Variants in LUC7L3 observed in about 807,000 individuals in gnomAD.
LUC7L3 encodes luc7-like protein 3.
Under a neutral mutation model 66.8 loss-of-function variants are expected in LUC7L3, and 6 were observed. That is an observed-to-expected ratio of 0.09 (90% CI 0.05 to 0.18). LUC7L3 has a LOEUF of 0.18. Among genes scored for constraint, LUC7L3 ranks in the 10% least tolerant of loss-of-function variants. The pLI is 1.00. For missense variants in LUC7L3, 341 were observed against 531.1 expected, an observed-to-expected ratio of 0.64 and a Z score of 3.52; for synonymous variants, 160 against 174.7, an observed-to-expected ratio of 0.92 and a Z score of 0.66.
chr17:50,749,421 A>G, intron 9 of LUC7L3: 3 of 1,164,276 alleles, frequency 2.6e-6, no homozygotes, highest in Non-Finnish European at 3.3e-6. Context: ...GCGCTTAACT[A>G]CTTGGACATT....
Position 50,740,302 on chromosome 17 carries a change from C to G in LUC7L3, c.167-4C>G, listed in dbSNP as rs777300198. On this transcript the variant is annotated splice_polypyrimidine_tract_variant and splice_region_variant and intron_variant, in intron 2 of 9. Transcript: ENST00000505658. ...AATTTATACAATTATATTTTTTCCC[C>G]CAGGTCCGTGTGAAAAAATTCATGA... 6.3e-7 allele frequency: 1 copy of G among 1,599,574 alleles called. No individual in the cohort carries two copies. Among genetic ancestry groups the G allele is most frequent in the Non-Finnish European group, 8.5e-7 (1 of 1,172,660 alleles).
At chr17:50,746,415 G>C (rs1465834442) in intron 8 of LUC7L3, 127 bp from the exon 9 acceptor site, 18 of 827,944 alleles carry the variant, frequency 2.2e-5, no homozygotes, top group African/African-American at 5.2e-5. Context: ...TAGTTCTTAA[G>C]ATTTCTAATG....
intron 1 of LUC7L3, among the ~76,000 whole-genome samples, chr17:50,727,154 G>A (rs942058397): frequency 6.6e-6 from 1 of 152,132 alleles, no homozygotes; most frequent in Non-Finnish European, 1.5e-5. Context: ...AACTGTTAGT[G>A]TTATTGTAAG....
In LUC7L3 at chr17:50,722,724, C is replaced by T. The variant is rs568486738; in HGVS notation, c.99+2893C>T. On this transcript the variant is annotated intron_variant, in intron 1 of 9. Coordinates refer to ENST00000505658, the MANE Select transcript of LUC7L3 (RefSeq NM_016424.5). Reference sequence around the variant, plus strand: ...GAAGGATGCATCTGTGATGCAAAATCATCGACCATTTATTTGTAATGGTGT... The same window carrying T: ...GAAGGATGCATCTGTGATGCAAAATTATCGACCATTTATTTGTAATGGTGT... The T allele has an allele frequency of 2.6e-5, 4 of 152,342 alleles. No homozygotes were observed. The South Asian group carries it at 8.3e-4, about 32-fold the overall frequency. 9.4% of individuals were successfully genotyped at this position (152,342 alleles called of 1,614,324 possible).
At chr17:50,740,420 T>C in intron 3 of LUC7L3, 75 bp downstream of exon 3, 2 of 1,363,892 alleles carry the variant, frequency 1.5e-6, no homozygotes, top group Non-Finnish European at 2.1e-6. Context: ...TGAGGAATAA[T>C]TGCAATTAAA....
chr17:50,741,659 C>A lies in LUC7L3; in HGVS notation c.354C>A (p.Ala118=). The change falls in exon 5 of 10, where the codon GCC becomes GCA. Residue 118 remains alanine, a splice_region_variant and synonymous_variant. Coordinates refer to ENST00000505658, the MANE Select transcript of LUC7L3 (RefSeq NM_016424.5). Reference sequence around the variant, plus strand: ...ATACGTTTTATTGTCTTCAATAGGCCGCTGGCCCAACAGGCAAAAATGAAG... The same window carrying A: ...ATACGTTTTATTGTCTTCAATAGGCAGCTGGCCCAACAGGCAAAAATGAAG... The part of the protein sequence containing the change: ...ALSQNQQSSG[A]AGPTGKNEEK... 1 of 1,611,374 alleles carries A rather than the reference C, an allele frequency of 6.2e-7. No homozygotes were observed. Among genetic ancestry groups the A allele is most frequent in the Non-Finnish European group, 8.5e-7 (1 of 1,177,826 alleles).
chr17:50,739,856 G>T (rs1970234943), intron 2 of LUC7L3, among the ~76,000 whole-genome samples: 1 of 152,202 alleles, frequency 6.6e-6, no homozygotes, highest in African/African-American at 2.4e-5. Flanking sequence ...GGAAGAAATA[G>T]AGAAGAGTTA....
At chr17:50,740,387 G>A (rs1170239537) in intron 3 of LUC7L3, 42 bp downstream of exon 3, 3 of 1,557,218 alleles carry the variant, frequency 1.9e-6, no homozygotes, top group African/African-American at 2.7e-5. Flanking sequence ...CCAGTTATTA[G>A]TTGGTTTAAG....
At chr17:50,729,912 A>G (rs1343233204) in intron 1 of LUC7L3, among the ~76,000 whole-genome samples, 1 of 27,804 alleles carries the variant, frequency 3.6e-5, no homozygotes, top group East Asian at 1.5e-3. Flanking sequence ...ATATATATAT[A>G]TATATATATA....
At position 50,741,098 on chromosome 17, in the gene LUC7L3, C is replaced by T. The variant is rs149113487; in HGVS notation, c.207-4C>T. 259 of 1,613,740 alleles carry T rather than the reference C, an allele frequency of 1.6e-4. 3 individuals are homozygous for T. In the East Asian group the frequency reaches 5.6e-3, roughly 35 times the overall value. ...TGAGTACTTGTTTATTTTCATGTTA[C>T]CAGGTATGAGAAGAGCTCTCGTTTC... On this transcript the variant is annotated splice_region_variant and splice_polypyrimidine_tract_variant and intron_variant, in intron 3 of 9. Coordinates refer to ENST00000505658, the MANE Select transcript of LUC7L3 (RefSeq NM_016424.5).
intron 1 of LUC7L3, 92 bp downstream of exon 1, chr17:50,719,923 C>T (rs1008056498): frequency 2.1e-5 from 25 of 1,173,936 alleles, no homozygotes; most frequent in Admixed American, 5.1e-5. Flanking sequence ...CGCGATGTGG[C>T]CAGGGCCGCA....
At chr17:50,719,977 G>C in intron 1 of LUC7L3, 146 bp downstream of exon 1, 1 of 681,722 alleles carries the variant, frequency 1.5e-6, no homozygotes, top group South Asian at 2.1e-5. Flanking sequence ...AGCCAGGAGG[G>C]AGGATGCTGT....
intron 1 of LUC7L3, among the ~76,000 whole-genome samples, chr17:50,729,896 TTATATATATATATATATATATA>T (rs1156777167): frequency 0.012 from 781 of 65,520 alleles, 18 homozygotes; most frequent in South Asian, 0.047. Context: ...TATAAATACA[TTATATATATATATATATATATA>T]TATATATATA....
intron 1 of LUC7L3, among the ~76,000 whole-genome samples, chr17:50,732,066 T>C (rs1448094846): frequency 2.0e-5 from 3 of 152,110 alleles, no homozygotes; most frequent in African/African-American, 7.2e-5. Context: ...TTATATGCCA[T>C]AGGGAAAGGG....
Position 50,719,660 on chromosome 17 carries a change from T to A in LUC7L3, c.-73T>A. On this transcript the variant is annotated 5_prime_UTR_variant, in exon 1 of 10. Transcript: ENST00000505658. Reference sequence around the variant, plus strand: ...CGGCCTGAGAGCGGGCCGAGGAGATTGGCGACGGTGTCGCCCGTGTTTTCG... The same window carrying A: ...CGGCCTGAGAGCGGGCCGAGGAGATAGGCGACGGTGTCGCCCGTGTTTTCG... 3 of 1,289,440 alleles carry A rather than the reference T, an allele frequency of 2.3e-6. No individual in the cohort carries two copies. Among genetic ancestry groups the A allele is most frequent in the Admixed American group, 3.9e-5 (2 of 51,486 alleles). The allele number at this position is 1,289,440 out of a possible 1,614,324, so 79.9% of individuals were successfully genotyped here.
intron 1 of LUC7L3, among the ~76,000 whole-genome samples, chr17:50,729,043 T>C (rs1024018344): frequency 6.6e-6 from 1 of 152,226 alleles, no homozygotes; most frequent in Non-Finnish European, 1.5e-5. Context: ...AACAAAAGTT[T>C]TACCATAGAC....
chr17:50,749,433 C>T, intron 9 of LUC7L3: 1 of 1,120,354 alleles, frequency 8.9e-7, no homozygotes, highest in South Asian at 1.6e-5. Flanking sequence ...TTGGACATTG[C>T]TTTGTGTATT....
At position 50,745,877 on chromosome 17, in the gene LUC7L3, C is replaced by G. The variant is rs760005398; in HGVS notation, c.851C>G (p.Ala284Gly). 6.2e-7 allele frequency: 1 copy of G among 1,606,024 alleles called. No homozygotes were observed. ...REEEEREKER[A>G]RDRERRKRSR... The stretch of plus-strand genomic sequence containing the variant: ...GAGGAAGAAAGAGAAAAAGAAAGGG[C>G]TCGTGACAGAGAAAGAAGAAAGAGA... Residue 284 changes from alanine to glycine, a missense_variant, in exon 8 of 10, where the codon GCT becomes GGT. Ala to Gly is a moderately conservative substitution (Grantham distance 60). Coordinates refer to ENST00000505658, the MANE Select transcript of LUC7L3 (RefSeq NM_016424.5).
intron 3 of LUC7L3, among the ~76,000 whole-genome samples, chr17:50,740,757 A>G (rs1970298923): frequency 6.6e-6 from 1 of 152,140 alleles, no homozygotes; most frequent in Non-Finnish European, 1.5e-5. Flanking sequence ...ACAGGGTTTC[A>G]CCATGTTGGC....
Sources: gnomAD v4.1 joint callset for allele counts (sites outside exome capture counted in the v4.1 genomes callset) on GRCh38, gnomAD v4.1.1 for gene constraint, MANE v1.5 for transcripts, NCBI Gene and HGNC (gene_info 2026-07-23, HGNC 2026-07-21) for gene names.